Variants in CFAP95 observed in about 807,000 individuals in gnomAD.
CFAP95 encodes cilia and flagella associated protein 95.
At chr9:69,838,580 T>C in the CFAP95 span, among the ~76,000 whole-genome samples, 1 of 151,642 alleles carries the variant, frequency 6.6e-6, no homozygotes, top group Non-Finnish European at 1.5e-5. Flanking sequence ...ATACATTGAT[T>C]TTGTATCCTG....
At chr9:69,844,731 G>T in the CFAP95 span, 4 of 704,260 alleles carry the variant, frequency 5.7e-6, no homozygotes, top group South Asian at 9.2e-5. Flanking sequence ...CTCGTTAACT[G>T]TGTTAGTTAC....
At chr9:69,896,605 TAGG>T in the CFAP95 span, among the ~76,000 whole-genome samples, 1 of 152,216 alleles carries the variant, frequency 6.6e-6, no homozygotes, top group South Asian at 2.1e-4. Context: ...ATCAAATAAA[TAGG>T]AGTAGTAAAT....
chr9:69,831,575 G>A, the CFAP95 span, among the ~76,000 whole-genome samples: 2 of 152,110 alleles, frequency 1.3e-5, no homozygotes, highest in African/African-American at 4.8e-5. Flanking sequence ...AGATAGGAGT[G>A]GGGAGGGCTA....
chr9:69,843,834 T>C, the CFAP95 span, among the ~76,000 whole-genome samples: 1 of 151,092 alleles, frequency 6.6e-6, no homozygotes, highest in Admixed American at 6.6e-5. Context: ...AGAGATGGGG[T>C]CTTGCCATGT....
the CFAP95 span, among the ~76,000 whole-genome samples, chr9:69,861,580 C>T: frequency 2.0e-5 from 3 of 151,974 alleles, no homozygotes; most frequent in Admixed American, 6.6e-5. Context: ...GGAGCAACAC[C>T]TGTTTTTCAG....
the CFAP95 span, chr9:69,902,242 A>C: frequency 2.4e-6 from 1 of 424,630 alleles, no homozygotes; most frequent in East Asian, 7.5e-5. Context: ...AATTCTCACA[A>C]TTCTCTTGAC....
At chr9:69,866,112 C>T in the CFAP95 span, among the ~76,000 whole-genome samples, 10 of 152,164 alleles carry the variant, frequency 6.6e-5, no homozygotes, top group African/African-American at 2.4e-4. Flanking sequence ...AGACCTCTGG[C>T]ACATACTTAA....
chr9:69,823,740 G>A, the CFAP95 span, among the ~76,000 whole-genome samples: 3 of 152,192 alleles, frequency 2.0e-5, no homozygotes, highest in African/African-American at 7.2e-5. Context: ...GGAGATAAGG[G>A]TGGGGCCGTT....
chr9:69,827,743 G>A, the CFAP95 span, among the ~76,000 whole-genome samples: 1 of 152,034 alleles, frequency 6.6e-6, no homozygotes, highest in East Asian at 1.9e-4. Context: ...CTCCAGATTC[G>A]GTCCCACTCG....
chr9:69,837,201 G>A, the CFAP95 span, among the ~76,000 whole-genome samples: 2 of 152,172 alleles, frequency 1.3e-5, no homozygotes, highest in African/African-American at 4.8e-5. Flanking sequence ...ACGTGTGCAT[G>A]TGTCTTTACA....
the CFAP95 span, among the ~76,000 whole-genome samples, chr9:69,862,169 C>T: frequency 8.5e-5 from 13 of 152,182 alleles, no homozygotes; most frequent in Non-Finnish European, 1.9e-4. Flanking sequence ...TGATGTTGAA[C>T]AGCAAATTAT....
chr9:69,843,503 CCCCCTCCTCCTCCTCCT>C, the CFAP95 span, among the ~76,000 whole-genome samples: 15 of 5,992 alleles, frequency 2.5e-3, 2 homozygotes, highest in African/African-American at 6.6e-3. Context: ...CTCCTCCTCC[CCCCCTCCTCCTCCTCCT>C]CCTCCTCCTC....
At chr9:69,871,387 A>G in the CFAP95 span, among the ~76,000 whole-genome samples, 2 of 152,100 alleles carry the variant, frequency 1.3e-5, no homozygotes, top group Non-Finnish European at 2.9e-5. Context: ...GGACTTTATC[A>G]TGTAGATGGT....
the CFAP95 span, among the ~76,000 whole-genome samples, chr9:69,896,516 G>A: frequency 1.3e-5 from 2 of 151,990 alleles, no homozygotes; most frequent in South Asian, 4.2e-4. Context: ...ACTTCCCATG[G>A]CTATTTCCCT....
the CFAP95 span, among the ~76,000 whole-genome samples, chr9:69,847,553 G>A: frequency 6.6e-6 from 1 of 152,140 alleles, no homozygotes; most frequent in Non-Finnish European, 1.5e-5. Context: ...GTAGAAAATA[G>A]ACCTGATTAT....
chr9:69,821,067 C>A, the CFAP95 span: 4 of 1,599,600 alleles, frequency 2.5e-6, no homozygotes, highest in Non-Finnish European at 3.4e-6. Context: ...CCGGGTGCTG[C>A]GGGGAGGAAA....
chr9:69,859,811 A>T, the CFAP95 span, among the ~76,000 whole-genome samples: 1 of 152,218 alleles, frequency 6.6e-6, no homozygotes, highest in Non-Finnish European at 1.5e-5. Context: ...GGTAAAATCC[A>T]TTGCTCCTAG....
chr9:69,870,623 C>T, the CFAP95 span, among the ~76,000 whole-genome samples: 1 of 152,232 alleles, frequency 6.6e-6, no homozygotes, highest in Admixed American at 6.5e-5. Context: ...CCAGGATCTT[C>T]ATCCTACATC....
chr9:69,864,405 C>T, the CFAP95 span, among the ~76,000 whole-genome samples: 2 of 151,952 alleles, frequency 1.3e-5, no homozygotes, highest in East Asian at 3.9e-4. Flanking sequence ...AACCTGGGTT[C>T]TACTTCTAGG....
Sources: gnomAD v4.1 joint callset for allele counts (sites outside exome capture counted in the v4.1 genomes callset) on GRCh38, gnomAD v4.1.1 for gene constraint, MANE v1.5 for transcripts, NCBI Gene and HGNC (gene_info 2026-07-23, HGNC 2026-07-21) for gene names.